CCDC85A: variants seen among roughly 807,000 people sequenced by gnomAD.
CCDC85A encodes the protein coiled-coil domain containing 85A.
A neutral mutation model predicts 50.2 loss-of-function variants in CCDC85A; 38 were observed. The observed-to-expected ratio is 0.76, with a 90% CI of 0.58 to 0.99. The LOEUF is 0.99. Ranked by LOEUF, CCDC85A falls within the 50% of genes least tolerant of loss-of-function variation. The pLI, the probability that CCDC85A is intolerant of heterozygous loss-of-function variation, is 0.00. For synonymous variants in CCDC85A, 366 were observed against 301.4 expected, an observed-to-expected ratio of 1.21 and a Z score of -2.22; for missense variants, 820 against 742.0, an observed-to-expected ratio of 1.11 and a Z score of -1.22.
At chr2:56,293,518 A>C (rs1461662423) in intron 2 of CCDC85A, among the ~76,000 whole-genome samples, 1 of 152,226 alleles carries the variant, frequency 6.6e-6, no homozygotes, top group African/African-American at 2.4e-5. Flanking sequence ...CAGCGAAAGA[A>C]ACTATCATCA....
At position 56,184,689 on chromosome 2, in the gene CCDC85A, C is replaced by G. The variant is rs1227576103; in HGVS notation, c.65C>G (p.Pro22Arg). 10 of 1,522,438 alleles carry G rather than the reference C, an allele frequency of 6.6e-6. No homozygotes were observed. The highest frequency in any genetic ancestry group is 4.1e-5 in the Admixed American group (2 of 49,082). The allele number at this position is 1,522,438 out of a possible 1,614,324, so 94.3% of individuals were successfully genotyped here. A position where few individuals can be genotyped will look rare whatever the true frequency, so the allele number is the denominator to read the frequency against. ...GCGGCGGAAAGTTGTTCCCCAGCCC[C>G]GGCCGGCTCGTCCGCGGCCCCGCCC... ...AAAAESCSPA[P>R]AGSSAAPPAP... is the part of the protein sequence containing the mutation. The change falls in exon 1 of 6, where the codon CCG (proline) becomes CGG (arginine). Residue 22 changes from proline (P) to arginine (R), a missense_variant. Pro to Arg is a moderately radical substitution (Grantham distance 103). Transcript: ENST00000407595.
intron 2 of CCDC85A, among the ~76,000 whole-genome samples, chr2:56,217,319 C>T (rs1338619601): frequency 6.6e-6 from 1 of 151,906 alleles, no homozygotes; most frequent in East Asian, 1.9e-4. Context: ...CTGTGTTGAG[C>T]TTTTAGGAAC....
chr2:56,302,416 G>A (rs1263025384), intron 2 of CCDC85A, among the ~76,000 whole-genome samples: 1 of 152,098 alleles, frequency 6.6e-6, no homozygotes, highest in African/African-American at 2.4e-5. Flanking sequence ...TAAATTTACT[G>A]GAATTGAGCT....
chr2:56,221,444 CTG>C (rs1668324788), intron 2 of CCDC85A, among the ~76,000 whole-genome samples: 1 of 151,886 alleles, frequency 6.6e-6, no homozygotes, highest in Non-Finnish European at 1.5e-5. Flanking sequence ...GAGATACTCT[CTG>C]TTATGTTTGC....
In CCDC85A at chr2:56,248,652, T is replaced by C. The variant is rs193178326; in HGVS notation, c.1240+55212T>C. ...TTTCAGGCAATAGTGGAAGTCAGAG[T>C]GAGGAGTTAGGGCATGGTAATTGTA... is the stretch of plus-strand genomic sequence containing the variant. On this transcript the variant is annotated intron_variant, in intron 2 of 5. Transcript: ENST00000407595. Among the ~76,000 whole-genome samples, 236 of 151,856 alleles carry C rather than the reference T, an allele frequency of 1.6e-3. 2 individuals are homozygous for C. The highest frequency in any genetic ancestry group is 5.4e-3 in the African/African-American group (222 of 41,408).
In CCDC85A at chr2:56,386,134, G is replaced by A. The variant is rs927033069; in HGVS notation, c.*1779G>A. 2 of 152,160 alleles carry A rather than the reference G, an allele frequency of 1.3e-5. No homozygotes were observed. Among genetic ancestry groups the A allele is most frequent in the African/African-American group, 2.4e-5 (1 of 41,382 alleles). 9.4% of individuals were successfully genotyped at this position (152,160 alleles called of 1,614,324 possible). A position where few individuals can be genotyped will look rare whatever the true frequency, so the allele number is the denominator to read the frequency against. On this transcript the variant is annotated 3_prime_UTR_variant, in exon 6 of 6. Transcript: ENST00000407595. The stretch of plus-strand genomic sequence containing the variant: ...GCATAAAATTGAGTATTAAGTATAT[G>A]TGTTCATCTTAGCAATGGTAATAAA...
intron 2 of CCDC85A, among the ~76,000 whole-genome samples, chr2:56,241,903 A>G (rs1669273774): frequency 6.6e-6 from 1 of 152,210 alleles, no homozygotes; most frequent in Non-Finnish European, 1.5e-5. Context: ...AGGAACCTCC[A>G]AATTGTTCTT....
At chr2:56,268,929 C>T (rs773354081) in intron 2 of CCDC85A, among the ~76,000 whole-genome samples, 25 of 152,036 alleles carry the variant, frequency 1.6e-4, no homozygotes, top group African/African-American at 2.7e-4. Context: ...CATAATGCTG[C>T]GTACATTTTT....
chr2:56,219,296 G>T (rs966315664), intron 2 of CCDC85A, among the ~76,000 whole-genome samples: 1 of 149,846 alleles, frequency 6.7e-6, no homozygotes, highest in Admixed American at 6.7e-5. Context: ...TAATCATGGA[G>T]AAACAGTCTA....
chr2:56,347,848 T>G lies in CCDC85A; in HGVS notation c.1317+4893T>G, dbSNP rs186750100. 4.5e-4 allele frequency among the ~76,000 whole-genome samples: 69 copies of G among 152,342 alleles called. 2 individuals are homozygous for G. In the East Asian group the frequency reaches 0.012, roughly 26 times the overall value. On this transcript the variant is annotated intron_variant, in intron 3 of 5. Coordinates refer to ENST00000407595, the MANE Select transcript of CCDC85A (RefSeq NM_001080433.2). ...TTCTACTCCATTCATTATCCTTTTC[T>G]TGATGGTCACAAAGATTTTTTAATC...
chr2:56,326,696 T>G (rs972510231), intron 2 of CCDC85A, among the ~76,000 whole-genome samples: 2 of 152,176 alleles, frequency 1.3e-5, no homozygotes, highest in African/African-American at 4.8e-5. Context: ...GACACATTGT[T>G]TAGTTAGAAT....
chr2:56,222,213 G>T (rs1273109818), intron 2 of CCDC85A, among the ~76,000 whole-genome samples: 1 of 152,026 alleles, frequency 6.6e-6, no homozygotes, highest in Non-Finnish European at 1.5e-5. Context: ...GATGCATTTT[G>T]CATTGGTTTA....
chr2:56,247,750 A>G (rs1434247527), intron 2 of CCDC85A, among the ~76,000 whole-genome samples: 3 of 152,236 alleles, frequency 2.0e-5, no homozygotes, highest in Non-Finnish European at 4.4e-5. Context: ...AAGATAGATG[A>G]TATATTTTTC....
At chr2:56,187,207 G>C (rs1490255356) in intron 1 of CCDC85A, among the ~76,000 whole-genome samples, 1 of 151,968 alleles carries the variant, frequency 6.6e-6, no homozygotes, top group Non-Finnish European at 1.5e-5. Context: ...TTTTGTTAAG[G>C]GCGTGGGGGA....
intron 3 of CCDC85A, among the ~76,000 whole-genome samples, chr2:56,371,399 A>C (rs1369677261): frequency 1.3e-5 from 2 of 152,134 alleles, no homozygotes; most frequent in Non-Finnish European, 2.9e-5. Flanking sequence ...AAAAAAATGA[A>C]TTGATGAGAA....
chr2:56,373,395 G>A (rs1450646839), intron 4 of CCDC85A, among the ~76,000 whole-genome samples: 1 of 151,510 alleles, frequency 6.6e-6, no homozygotes, highest in Non-Finnish European at 1.5e-5. Flanking sequence ...AAAAAAAAGT[G>A]TGTTTTTTAA....
intron 2 of CCDC85A, among the ~76,000 whole-genome samples, chr2:56,252,937 T>G (rs1669829576): frequency 1.3e-5 from 2 of 152,068 alleles, no homozygotes; most frequent in Admixed American, 6.6e-5. Context: ...GAGAATCACT[T>G]GAACTGGGGA....
At chr2:56,259,315 C>T (rs1423628911) in intron 2 of CCDC85A, among the ~76,000 whole-genome samples, 2 of 152,136 alleles carry the variant, frequency 1.3e-5, no homozygotes, top group African/African-American at 4.8e-5. Flanking sequence ...GTAAGTCCTT[C>T]AGATGGCAAA....
At chr2:56,378,077 A>G (rs916460535) in intron 5 of CCDC85A, among the ~76,000 whole-genome samples, 5 of 152,162 alleles carry the variant, frequency 3.3e-5, no homozygotes, top group Non-Finnish European at 5.9e-5. Context: ...ACACAGAAAT[A>G]TGTACAAACA....
Sources: allele counts gnomAD v4.1 joint callset (sites outside exome capture counted in the v4.1 genomes callset), GRCh38; gene constraint gnomAD v4.1.1; transcripts MANE v1.5; gene names NCBI Gene and HGNC (gene_info 2026-07-23, HGNC 2026-07-21).